The following UBE2E2 variants were observed in gnomAD, a reference collection of about 807,000 sequenced individuals.
UBE2E2 encodes ubiquitin-conjugating enzyme E2 E2.
A neutral mutation model predicts 24.7 loss-of-function variants in UBE2E2; 6 were observed. The observed-to-expected ratio is 0.24, with a 90% CI of 0.13 to 0.48. The LOEUF is 0.48. UBE2E2 is among the 20% of genes least tolerant of loss of function. UBE2E2 has a pLI of 0.99. For missense variants in UBE2E2, 169 were observed against 245.0 expected, an observed-to-expected ratio of 0.69 and a Z score of 2.07; for synonymous variants, 104 against 83.6, an observed-to-expected ratio of 1.24 and a Z score of -1.33.
At chr3:23,398,932 TG>T (rs1296324373) in intron 3 of UBE2E2, among the ~76,000 whole-genome samples, 1 of 152,178 alleles carries the variant, frequency 6.6e-6, no homozygotes, top group African/African-American at 2.4e-5. Context: ...AAATAAAAAC[TG>T]TGTGTGTTGA....
chr3:23,263,918 G>C (rs992716190), intron 3 of UBE2E2, among the ~76,000 whole-genome samples: 2 of 152,116 alleles, frequency 1.3e-5, no homozygotes, highest in Non-Finnish European at 2.9e-5. Context: ...TTCTTAACAA[G>C]TTCTAGATTA....
intron 3 of UBE2E2, among the ~76,000 whole-genome samples, chr3:23,319,036 G>A (rs1694668518): frequency 6.6e-6 from 1 of 152,138 alleles, no homozygotes; most frequent in South Asian, 2.1e-4. Flanking sequence ...AGAAGCCAAT[G>A]TATATTAAAT....
chr3:23,571,680 G>GAGCAGGTC (rs1696235865), intron 5 of UBE2E2, among the ~76,000 whole-genome samples: 1 of 152,064 alleles, frequency 6.6e-6, no homozygotes, highest in South Asian at 2.1e-4. Flanking sequence ...GCTAGTCTAG[G>GAGCAGGTC]AGCAGGTCAG....
At chr3:23,313,383 G>T (rs58033276) in intron 3 of UBE2E2, among the ~76,000 whole-genome samples, 23,844 of 114,382 alleles carry the variant, frequency 0.21, 2,454 homozygotes, top group Middle Eastern at 0.25. Context: ...TGGATCATTG[G>T]GTCTTTTTTT....
intron 3 of UBE2E2, among the ~76,000 whole-genome samples, chr3:23,421,403 C>T (rs565116733): frequency 1.4e-4 from 21 of 152,244 alleles, no homozygotes; most frequent in African/African-American, 5.1e-4. Context: ...ATGTATGTAA[C>T]ATGGAATACT....
chr3:23,416,350 C>A (rs1354924617), intron 3 of UBE2E2, among the ~76,000 whole-genome samples: 1 of 152,184 alleles, frequency 6.6e-6, no homozygotes, highest in Non-Finnish European at 1.5e-5. Flanking sequence ...GTTGAAAATT[C>A]CTTTTTTTAA....
chr3:23,536,824 T>C (rs1269880653), intron 5 of UBE2E2, among the ~76,000 whole-genome samples: 1 of 152,188 alleles, frequency 6.6e-6, no homozygotes, highest in Non-Finnish European at 1.5e-5. Flanking sequence ...CTTTTCTATG[T>C]TTGGATATGT....
intron 3 of UBE2E2, among the ~76,000 whole-genome samples, chr3:23,433,177 C>A (rs1332882867): frequency 6.6e-6 from 1 of 151,716 alleles, no homozygotes; most frequent in Non-Finnish European, 1.5e-5. Context: ...TTTCAGGCAC[C>A]TAGGATACTG....
At chr3:23,228,628 T>C (rs1696889836) in intron 3 of UBE2E2, among the ~76,000 whole-genome samples, 1 of 152,182 alleles carries the variant, frequency 6.6e-6, no homozygotes, top group African/African-American at 2.4e-5. Flanking sequence ...TAAAATTTGA[T>C]TTTTGCATTT....
At chr3:23,246,219 C>A (rs1182593142) in intron 3 of UBE2E2, among the ~76,000 whole-genome samples, 1 of 53,574 alleles carries the variant, frequency 1.9e-5, no homozygotes, top group Non-Finnish European at 3.2e-5. Flanking sequence ...CCATGCGTGG[C>A]TAATTTTTTT....
intron 3 of UBE2E2, among the ~76,000 whole-genome samples, chr3:23,302,209 A>G (rs1483277115): frequency 6.6e-6 from 1 of 151,872 alleles, no homozygotes; most frequent in Non-Finnish European, 1.5e-5. Context: ...TGACCACTCT[A>G]CTTCTATTTT....
chr3:23,395,606 A>G (rs1056786602), intron 3 of UBE2E2, among the ~76,000 whole-genome samples: 3 of 152,160 alleles, frequency 2.0e-5, no homozygotes, highest in Non-Finnish European at 2.9e-5. Flanking sequence ...CTGGTTCTCT[A>G]TCGAATTCAT....
intron 3 of UBE2E2, among the ~76,000 whole-genome samples, chr3:23,491,387 G>A (rs1699491522): frequency 6.6e-6 from 1 of 152,132 alleles, no homozygotes; most frequent in African/African-American, 2.4e-5. Flanking sequence ...AGAGGCCTAT[G>A]TCTATGTTTT....
intron 3 of UBE2E2, among the ~76,000 whole-genome samples, chr3:23,412,259 G>T (rs536086311): frequency 2.0e-5 from 3 of 151,998 alleles, no homozygotes; most frequent in Non-Finnish European, 4.4e-5. Flanking sequence ...GTCTTAAAAC[G>T]TATTTGTGTT....
At chr3:23,347,843 TAAAAA>T (rs1053201409) in intron 3 of UBE2E2, among the ~76,000 whole-genome samples, 4 of 152,170 alleles carry the variant, frequency 2.6e-5, no homozygotes, top group Middle Eastern at 3.4e-3. Context: ...GAGCCATCCT[TAAAAA>T]AGAAAAGAAA....
At chr3:23,359,852 C>A (rs190986308) in intron 3 of UBE2E2, among the ~76,000 whole-genome samples, 225 of 152,184 alleles carry the variant, frequency 1.5e-3, no homozygotes, top group African/African-American at 5.1e-3. Flanking sequence ...TATGAACTAG[C>A]TTTCTAATTG....
intron 3 of UBE2E2, among the ~76,000 whole-genome samples, chr3:23,402,165 T>C (rs1428410527): frequency 6.6e-6 from 1 of 152,124 alleles, no homozygotes. Context: ...CAATCTTATA[T>C]TTGGTTTTAT....
chr3:23,287,193 C>A (rs1698638801), intron 3 of UBE2E2, among the ~76,000 whole-genome samples: 1 of 152,008 alleles, frequency 6.6e-6, no homozygotes, highest in African/African-American at 2.4e-5. Flanking sequence ...TGGTTTTTGT[C>A]CTTCAATCTG....
intron 3 of UBE2E2, among the ~76,000 whole-genome samples, chr3:23,271,966 C>T (rs534050243): frequency 4.1e-4 from 62 of 152,240 alleles, no homozygotes; most frequent in Admixed American, 2.6e-3. Flanking sequence ...CAGCTGGCTT[C>T]GCCTAGTGGA....
Sources: allele counts gnomAD v4.1 joint callset (sites outside exome capture counted in the v4.1 genomes callset), GRCh38; gene constraint gnomAD v4.1.1; transcripts MANE v1.5; gene names NCBI Gene and HGNC (gene_info 2026-07-23, HGNC 2026-07-21).